SLCO1B3: variants seen among roughly 807,000 people sequenced by gnomAD.
The protein encoded by SLCO1B3 is liver-specific organic anion transporter 2.
Under a neutral mutation model 71.8 loss-of-function variants are expected in SLCO1B3, and 72 were observed. The observed-to-expected ratio is 1.00, with a 90% CI of 0.83 to 1.22. The LOEUF is 1.22. Ranked by LOEUF, SLCO1B3 falls within the 50% of genes most tolerant of loss-of-function variation. The pLI is 0.00. For missense variants in SLCO1B3, 911 were observed against 819.7 expected (o/e 1.11, Z -1.36); for synonymous variants, 298 against 278.4 (o/e 1.07, Z -0.70).
chr12:20,827,926 A>G (rs190448386), intron 3 of SLCO1B3, among the ~76,000 whole-genome samples: 2 of 152,210 alleles, frequency 1.3e-5, no homozygotes, highest in African/African-American at 4.8e-5. Flanking sequence ...TAAAGGAACA[A>G]CTCTTAGGTG....
intron 5 of SLCO1B3, among the ~76,000 whole-genome samples, chr12:20,859,857 T>C (rs11045568): frequency 0.72 from 109,602 of 151,530 alleles, 42,216 homozygotes; most frequent in South Asian, 0.9. Context: ...GTCTACCAAT[T>C]TGAATTCTAC....
chr12:20,829,694 G>T (rs1428632428), intron 3 of SLCO1B3, among the ~76,000 whole-genome samples: 1 of 152,166 alleles, frequency 6.6e-6, no homozygotes, highest in Non-Finnish European at 1.5e-5. Flanking sequence ...AGTTTATTAA[G>T]AAAGTAAAGG....
chr12:20,842,292 C>G (rs1477864074), intron 3 of SLCO1B3, among the ~76,000 whole-genome samples: 2 of 152,146 alleles, frequency 1.3e-5, no homozygotes, highest in East Asian at 1.9e-4. Flanking sequence ...ATTTTGACTA[C>G]TTGACCTATC....
At chr12:20,833,635 T>C (rs1341281784) in intron 3 of SLCO1B3, among the ~76,000 whole-genome samples, 3 of 143,568 alleles carry the variant, frequency 2.1e-5, no homozygotes, top group Non-Finnish European at 4.6e-5. Context: ...GTATGTAAAC[T>C]ATTATATACA....
At chr12:20,823,604 GAAT>G (rs1395138451) in intron 3 of SLCO1B3, among the ~76,000 whole-genome samples, 1 of 152,156 alleles carries the variant, frequency 6.6e-6, no homozygotes, top group African/African-American at 2.4e-5. Flanking sequence ...AGTGCAACAA[GAAT>G]AATCATTTGC....
At chr12:20,863,201 G>A (rs1220820007) in intron 8 of SLCO1B3, among the ~76,000 whole-genome samples, 3 of 152,104 alleles carry the variant, frequency 2.0e-5, no homozygotes, top group South Asian at 2.1e-4. Flanking sequence ...GTAGAACTCA[G>A]ATGTTGATGT....
At chr12:20,882,116 TGTC>T (rs1402174742) in intron 12 of SLCO1B3, among the ~76,000 whole-genome samples, 1 of 152,152 alleles carries the variant, frequency 6.6e-6, no homozygotes, top group African/African-American at 2.4e-5. Flanking sequence ...GGTCCTGTGT[TGTC>T]CAGTAGTGAA....
intron 3 of SLCO1B3, among the ~76,000 whole-genome samples, chr12:20,844,110 C>CAT (rs1016120693): frequency 4.0e-5 from 6 of 151,314 alleles, no homozygotes; most frequent in African/African-American, 1.2e-4. Flanking sequence ...ACACTTTAAA[C>CAT]ATATATATAT....
chr12:20,887,696 A>AT (rs879313729), intron 13 of SLCO1B3, among the ~76,000 whole-genome samples: 251 of 141,956 alleles, frequency 1.8e-3, no homozygotes, highest in Middle Eastern at 7.4e-3. Flanking sequence ...TATTATTATT[A>AT]TTTTTTTTTT....
intron 8 of SLCO1B3, among the ~76,000 whole-genome samples, chr12:20,871,567 G>A (rs1187341194): frequency 6.6e-6 from 1 of 152,068 alleles, no homozygotes; most frequent in South Asian, 2.1e-4. Flanking sequence ...GGCTTTTTAG[G>A]TATATGAAGG....
chr12:20,864,578 T>C (rs1193239301), intron 8 of SLCO1B3, among the ~76,000 whole-genome samples: 1 of 152,206 alleles, frequency 6.6e-6, no homozygotes, highest in East Asian at 1.9e-4. Context: ...CTACACGTTA[T>C]GTACATCATT....
chr12:20,842,794 C>T (rs1167903697), intron 3 of SLCO1B3, among the ~76,000 whole-genome samples: 4 of 152,140 alleles, frequency 2.6e-5, no homozygotes, highest in Non-Finnish European at 1.5e-5. Context: ...AAGGCAAATA[C>T]TGTAGCATAT....
intron 5 of SLCO1B3, among the ~76,000 whole-genome samples, chr12:20,859,270 C>T (rs1477583724): frequency 3.9e-5 from 6 of 152,074 alleles, no homozygotes; most frequent in South Asian, 2.1e-4. Context: ...TTCACATTTA[C>T]GGGAAGTCAG....
chr12:20,908,280 A>G (rs933938381), intron 15 of SLCO1B3, among the ~76,000 whole-genome samples: 17 of 152,220 alleles, frequency 1.1e-4, no homozygotes, highest in South Asian at 6.2e-4. Context: ...GAGATTTCCC[A>G]TATCTTGCCT....
At chr12:20,839,140 T>C (rs543485657) in intron 3 of SLCO1B3, among the ~76,000 whole-genome samples, 2 of 152,182 alleles carry the variant, frequency 1.3e-5, no homozygotes, top group Middle Eastern at 3.4e-3. Flanking sequence ...TATTTTAGTG[T>C]AAGCATACAT....
chr12:20,897,948 T>C (rs562069755), intron 13 of SLCO1B3, among the ~76,000 whole-genome samples: 1 of 152,278 alleles, frequency 6.6e-6, no homozygotes, highest in East Asian at 1.9e-4. Flanking sequence ...TACAGAAAAG[T>C]TTTTTGACCC....
chr12:20,854,931 C>T (rs1001158580), intron 3 of SLCO1B3, 97 bp from the exon 4 acceptor site: 23 of 1,129,682 alleles, frequency 2.0e-5, no homozygotes, highest in African/African-American at 9.5e-5. Flanking sequence ...ATAATGTTTT[C>T]GAGTAAAGAA....
At chr12:20,873,181 C>A (rs1244960835) in intron 8 of SLCO1B3, among the ~76,000 whole-genome samples, 1 of 152,152 alleles carries the variant, frequency 6.6e-6, no homozygotes, top group African/African-American at 2.4e-5. Context: ...TAGTTTAAAT[C>A]ATCATTTTTG....
intron 3 of SLCO1B3, among the ~76,000 whole-genome samples, chr12:20,816,980 T>A (rs368117609): frequency 6.6e-6 from 1 of 152,242 alleles, no homozygotes; most frequent in African/African-American, 2.4e-5. Context: ...CCTATGCCTG[T>A]GTGCTATTTG....
Sources: gnomAD v4.1 joint callset for allele counts (sites outside exome capture counted in the v4.1 genomes callset) on GRCh38, gnomAD v4.1.1 for gene constraint, MANE v1.5 for transcripts, NCBI Gene and HGNC (gene_info 2026-07-23, HGNC 2026-07-21) for gene names.